Variants in COL9A1 observed in about 807,000 individuals in gnomAD.
The protein encoded by COL9A1 is collagen alpha-1(IX) chain.
In COL9A1, 104 loss-of-function variants were observed where a neutral mutation model predicts 142.6. That is an observed-to-expected ratio of 0.73 (90% CI 0.62 to 0.86). The LOEUF (loss-of-function observed/expected upper bound fraction) is 0.86. Among genes scored for constraint, COL9A1 ranks in the 40% least tolerant of loss-of-function variants. COL9A1 has a pLI of 0.00. For synonymous variants in COL9A1, 466 were observed against 396.0 expected (o/e 1.18, Z -2.10); for missense variants, 1,210 against 1,176.6 (o/e 1.03, Z -0.42).
intron 36 of COL9A1, among the ~76,000 whole-genome samples, chr6:70,226,283 C>T (rs1446208909): frequency 1.3e-5 from 2 of 152,044 alleles, no homozygotes; most frequent in Non-Finnish European, 1.5e-5. Context: ...AAATAAGAAC[C>T]AATGGCCACT....
At chr6:70,256,421 C>G (rs1445014314) in intron 21 of COL9A1, among the ~76,000 whole-genome samples, 1 of 151,910 alleles carries the variant, frequency 6.6e-6, no homozygotes, top group Non-Finnish European at 1.5e-5. Context: ...ATAATGGAGT[C>G]AGAAACCATA....
At position 70,261,291 on chromosome 6, in the gene COL9A1, A is replaced by C. The variant is rs182127132; in HGVS notation, c.1396-581T>G. 5.9e-5 allele frequency among the ~76,000 whole-genome samples: 9 copies of C among 152,254 alleles called. No individual in the cohort carries two copies. The East Asian group carries it at 9.6e-4, about 16-fold the overall frequency. On this transcript the variant is annotated intron_variant, in intron 19 of 37. Coordinates refer to ENST00000357250, the MANE Select transcript of COL9A1 (RefSeq NM_001851.6). ...GCAATAGGAACCCATCTTAGTCATAAGAGTGGATAATCCTAAAAATGAGGG... is the reference window on the plus strand; with the variant it reads ...GCAATAGGAACCCATCTTAGTCATACGAGTGGATAATCCTAAAAATGAGGG...
At position 70,274,062 on chromosome 6, in the gene COL9A1, T is replaced by A; in HGVS notation, c.1050A>T (p.Gly350=). Residue 350 remains glycine, a synonymous_variant, in exon 12 of 38, where the codon GGA becomes GGT. Coordinates refer to ENST00000357250, the MANE Select transcript of COL9A1 (RefSeq NM_001851.6). The stretch of plus-strand genomic sequence containing the variant: ...ATTTACTTACTGGAAATCCACGCGA[T>A]CCAGGCACACCAGGTTCTCCCTAAA... ...KGQKGEPGVP[G]SRGFPGRGIP... 6.4e-7 allele frequency: 1 copy of A among 1,574,724 alleles called. No homozygotes were observed. The highest frequency in any genetic ancestry group is 1.4e-5 in the African/African-American group (1 of 73,612).
Position 70,234,884 on chromosome 6 carries a change from A to G in COL9A1, c.2169T>C (p.Pro723=). Reference sequence around the variant, plus strand: ...GTGGTCCTCTTGGTCCTTCCACTCCAGGAAGCCCCCGACTTCCCTCAGGCC... The same window carrying G: ...GTGGTCCTCTTGGTCCTTCCACTCCGGGAAGCCCCCGACTTCCCTCAGGCC... ...LRGPEGSRGL[P]GVEGPRGPPG... is the part of the protein sequence containing the mutation. The change falls in exon 34 of 38, where the codon CCT becomes CCC. Residue 723 remains proline (P), a synonymous_variant. Coordinates refer to ENST00000357250, the MANE Select transcript of COL9A1 (RefSeq NM_001851.6). 1 of 1,614,158 alleles carries G rather than the reference A, an allele frequency of 6.2e-7. No homozygotes were observed.
chr6:70,258,419 A>G (rs888332495), intron 20 of COL9A1: 9 of 152,100 alleles, frequency 5.9e-5, no homozygotes, highest in African/African-American at 2.2e-4. Flanking sequence ...AAATTAGAAA[A>G]TCCATGATAG....
At chr6:70,297,252 T>C (rs879781153) in intron 4 of COL9A1, among the ~76,000 whole-genome samples, 3 of 152,122 alleles carry the variant, frequency 2.0e-5, no homozygotes, top group Non-Finnish European at 4.4e-5. Context: ...TTGAGATTGC[T>C]AAATGAATAC....
chr6:70,279,891 T>C (rs530850976), intron 10 of COL9A1: 1 of 508,332 alleles, frequency 2.0e-6, no homozygotes, highest in South Asian at 4.3e-5. Flanking sequence ...AAGTCTTTAG[T>C]TTTTGGAAAA....
intron 28 of COL9A1, among the ~76,000 whole-genome samples, chr6:70,246,595 G>T (rs1770625157): frequency 6.6e-6 from 1 of 152,148 alleles, no homozygotes. Flanking sequence ...TCTGGGGTAA[G>T]ATCCAGGAAT....
chr6:70,249,447 G>A (rs968792536), intron 28 of COL9A1, among the ~76,000 whole-genome samples: 1 of 152,098 alleles, frequency 6.6e-6, no homozygotes, highest in Non-Finnish European at 1.5e-5. Flanking sequence ...GGGAGACACT[G>A]GTAGAGAAAG....
intron 28 of COL9A1, among the ~76,000 whole-genome samples, chr6:70,248,408 G>A (rs1271802780): frequency 6.6e-6 from 1 of 152,184 alleles, no homozygotes; most frequent in Non-Finnish European, 1.5e-5. Context: ...TTAGAAATGT[G>A]TGTCCATGTC....
At chr6:70,280,389 G>C in intron 10 of COL9A1, 2 of 1,173,252 alleles carry the variant, frequency 1.7e-6, no homozygotes, top group Middle Eastern at 7.0e-4. Flanking sequence ...AATGCAGGGA[G>C]TGCCGGTGAA....
In COL9A1 at chr6:70,257,995, C is replaced by T. The variant is rs577083879; in HGVS notation, c.1450-1174G>A. Among the ~76,000 whole-genome samples, 6 of 152,290 alleles carry T rather than the reference C, an allele frequency of 3.9e-5. No individual in the cohort carries two copies. In the East Asian group the frequency reaches 9.6e-4, roughly 24 times the overall value. Reference sequence around the variant, plus strand: ...ATATAAAGTAACCGGCCTATTTTCTCAAGAGCAGATCCAGTCTACCAAGTG... The same window carrying T: ...ATATAAAGTAACCGGCCTATTTTCTTAAGAGCAGATCCAGTCTACCAAGTG... On this transcript the variant is annotated intron_variant, in intron 20 of 37. Coordinates refer to ENST00000357250, the MANE Select transcript of COL9A1 (RefSeq NM_001851.6).
intron 10 of COL9A1, chr6:70,280,495 TG>T: frequency 7.5e-7 from 1 of 1,329,208 alleles, no homozygotes. Flanking sequence ...GTACCCCCTC[TG>T]GCCCCAGTGG....
chr6:70,245,022 G>A (rs1562298934), intron 28 of COL9A1, among the ~76,000 whole-genome samples: 1 of 152,190 alleles, frequency 6.6e-6, no homozygotes, highest in African/African-American at 2.4e-5. Flanking sequence ...CAAATGGACA[G>A]CATGTGGTTC....
At chr6:70,270,525 A>C (rs1397400635) in intron 14 of COL9A1, among the ~76,000 whole-genome samples, 158 bp from the exon 15 acceptor site, 1 of 152,224 alleles carries the variant, frequency 6.6e-6, no homozygotes, top group Non-Finnish European at 1.5e-5. Flanking sequence ...CCGTAATCCA[A>C]TTAGTTCTAC....
Position 70,303,084 on chromosome 6 carries a change from G to T in COL9A1, c.-160C>A. ...CCCCGGTGAGGGCTAAAAGCAAAGG[G>T]AGAGAACCAGAGGCATCTCGTGACA... On this transcript the variant is annotated 5_prime_UTR_variant, in exon 1 of 38. Transcript: ENST00000357250. 1.3e-6 allele frequency: 1 copy of T among 763,956 alleles called. No homozygotes were observed. The highest frequency in any genetic ancestry group is 2.5e-5 in the East Asian group (1 of 40,226). The allele number at this position is 763,956 out of a possible 1,614,324, so 47.3% of individuals were successfully genotyped here.
chr6:70,255,318 T>A lies in COL9A1; in HGVS notation c.1557+19A>T, dbSNP rs1049727491. On this transcript the variant is annotated intron_variant, in intron 22 of 37. Transcript: ENST00000357250. ...ACACTGAAAAGCAGGAGGCTTGGAG[T>A]GACTGAATTTAAACTCACTCTATCT... 6.8e-6 allele frequency: 11 copies of A among 1,613,698 alleles called. No individual in the cohort carries two copies. The highest frequency in any genetic ancestry group is 9.3e-6 in the Non-Finnish European group (11 of 1,179,720).
chr6:70,242,796 T>C, intron 28 of COL9A1, 81 bp from the exon 29 acceptor site: 5 of 1,388,560 alleles, frequency 3.6e-6, no homozygotes, highest in East Asian at 2.3e-5. Context: ...AATAACATCC[T>C]ACCTAGGTTT....
rs141472001 is a variant in COL9A1 at position 70,257,242 on chromosome 6, G to A, written c.1450-421C>T. On this transcript the variant is annotated intron_variant, in intron 20 of 37. Coordinates refer to ENST00000357250, the MANE Select transcript of COL9A1 (RefSeq NM_001851.6). Reference sequence around the variant, plus strand: ...TGCCCAGCTAATTTTTGTATTTTTAGTAGAGATGGGATTTCACCATGTTGG... The same window carrying A: ...TGCCCAGCTAATTTTTGTATTTTTAATAGAGATGGGATTTCACCATGTTGG... Among the ~76,000 whole-genome samples, 470 of 151,918 alleles carry A rather than the reference G, an allele frequency of 3.1e-3. 10 individuals are homozygous for A. The highest frequency in any genetic ancestry group is 5.5e-3 in the East Asian group (28 of 5,124).
Sources: allele counts gnomAD v4.1 joint callset (sites outside exome capture counted in the v4.1 genomes callset), GRCh38; gene constraint gnomAD v4.1.1; transcripts MANE v1.5; gene names NCBI Gene and HGNC (gene_info 2026-07-23, HGNC 2026-07-21).